Variants in ATXN2 observed in about 807,000 individuals in gnomAD.
The protein encoded by ATXN2 is ataxin-2.
ATXN2 carries 37 observed loss-of-function variants against 138.6 expected under a neutral mutation model. That is an observed-to-expected ratio of 0.27 (90% CI 0.21 to 0.35). ATXN2 has a LOEUF of 0.35. Ranked by LOEUF, ATXN2 falls within the 10% of genes least tolerant of loss-of-function variation. The pLI is 1.00. For synonymous variants in ATXN2, 549 were observed against 543.7 expected (o/e 1.01, Z -0.13); for missense variants, 1,216 against 1,480.3 (o/e 0.82, Z 2.93).
At chr12:111,458,951 T>C (rs1184517141) in intron 21 of ATXN2, among the ~76,000 whole-genome samples, 1 of 152,176 alleles carries the variant, frequency 6.6e-6, no homozygotes, top group African/African-American at 2.4e-5. Flanking sequence ...TGCAAAGCTA[T>C]CTCTTAGCAG....
At chr12:111,564,822 G>A (rs1209423834) in intron 1 of ATXN2, 1 of 152,104 alleles carries the variant, frequency 6.6e-6, no homozygotes, top group Non-Finnish European at 1.5e-5. Context: ...CTTCTGCATG[G>A]GGGCATTTCT....
intron 1 of ATXN2, among the ~76,000 whole-genome samples, chr12:111,560,846 G>C (rs1365192824): frequency 6.6e-6 from 1 of 151,862 alleles, no homozygotes. Flanking sequence ...TGTATAACCA[G>C]ATGTCTGACT....
At chr12:111,589,352 G>A (rs1480796814) in intron 1 of ATXN2, among the ~76,000 whole-genome samples, 1 of 150,634 alleles carries the variant, frequency 6.6e-6, no homozygotes, top group Admixed American at 6.6e-5. Flanking sequence ...TAAAAAACCA[G>A]CCAGGCATAG....
chr12:111,477,413 G>C (rs1012222300), intron 18 of ATXN2, among the ~76,000 whole-genome samples: 1 of 151,948 alleles, frequency 6.6e-6, no homozygotes, highest in African/African-American at 2.4e-5. Flanking sequence ...CAGAGAAACC[G>C]AGTAAATATT....
Position 111,494,823 on chromosome 12 carries a change from AG to A in ATXN2, c.1936-6044del, listed in dbSNP as rs1403385245. Among the ~76,000 whole-genome samples, 8 of 152,264 alleles carry A rather than the reference AG, an allele frequency of 5.3e-5. No homozygotes were observed. In the South Asian group the frequency reaches 1.7e-3, roughly 32 times the overall value. ...ACCAGAGAAAATCACTTTCAAAACA[AG>A]GAAGGGAGGGAGGGAAAAAAGGAGC... On this transcript the variant is annotated intron_variant, in intron 14 of 24. Transcript: ENST00000673436.
chr12:111,566,639 T>C (rs977446267), intron 1 of ATXN2, among the ~76,000 whole-genome samples: 1 of 133,934 alleles, frequency 7.5e-6, no homozygotes, highest in African/African-American at 2.9e-5. Context: ...ATTGCTTTTC[T>C]TTTTTTTTTT....
At chr12:111,497,626 T>C (rs904810565) in intron 14 of ATXN2, among the ~76,000 whole-genome samples, 1 of 150,770 alleles carries the variant, frequency 6.6e-6, no homozygotes, top group Non-Finnish European at 1.5e-5. Context: ...GACTAAAAAA[T>C]ATATATATAT....
At chr12:111,533,983 T>C (rs557867964) in intron 5 of ATXN2, among the ~76,000 whole-genome samples, 1 of 152,092 alleles carries the variant, frequency 6.6e-6, no homozygotes, top group African/African-American at 2.4e-5. Context: ...TTAATCATTG[T>C]CTATGGTATC....
chr12:111,555,988 T>G, intron 1 of ATXN2, 69 bp from the exon 2 acceptor site: 1 of 1,226,216 alleles, frequency 8.2e-7, no homozygotes, highest in Non-Finnish European at 1.1e-6. Flanking sequence ...TTTCCAAACT[T>G]AAAATATAAT....
chr12:111,481,145 A>T (rs1032186623), intron 18 of ATXN2, among the ~76,000 whole-genome samples: 1 of 152,146 alleles, frequency 6.6e-6, no homozygotes, highest in African/African-American at 2.4e-5. Flanking sequence ...TTCCATCTCT[A>T]CTAAAAATAC....
intron 1 of ATXN2, among the ~76,000 whole-genome samples, chr12:111,584,495 A>G (rs2135836899): frequency 6.6e-6 from 1 of 151,332 alleles, no homozygotes; most frequent in African/African-American, 2.4e-5. Flanking sequence ...TACATTTTGA[A>G]TTACAATGCG....
intron 22 of ATXN2, 61 bp downstream of exon 22, chr12:111,457,153 G>A: frequency 1.3e-6 from 2 of 1,553,468 alleles, no homozygotes; most frequent in Non-Finnish European, 1.7e-6. Flanking sequence ...GGCACCTGAA[G>A]AAAGCACTCA....
chr12:111,575,132 C>T (rs1313742344), intron 1 of ATXN2, among the ~76,000 whole-genome samples: 1 of 152,156 alleles, frequency 6.6e-6, no homozygotes, highest in African/African-American at 2.4e-5. Flanking sequence ...GGTCAGAAAG[C>T]TTCTCAAACA....
intron 20 of ATXN2, chr12:111,469,882 T>G: frequency 2.0e-6 from 1 of 502,954 alleles, no homozygotes; most frequent in South Asian, 4.3e-5. Flanking sequence ...CATCATTACA[T>G]TTTAGTTAAA....
intron 21 of ATXN2, chr12:111,461,418 C>G (rs542058118): frequency 6.6e-6 from 1 of 151,622 alleles, no homozygotes; most frequent in Non-Finnish European, 1.5e-5. Context: ...TGCAGTGAAC[C>G]GACATCACAC....
intron 24 of ATXN2, 131 bp from the exon 25 acceptor site, chr12:111,452,971 C>G: frequency 3.0e-6 from 4 of 1,330,892 alleles, no homozygotes; most frequent in Non-Finnish European, 3.9e-6. Flanking sequence ...ATTCGCTTTT[C>G]CCCCTCCCAT....
chr12:111,537,737 T>C (rs1881273000), intron 5 of ATXN2, among the ~76,000 whole-genome samples: 1 of 151,968 alleles, frequency 6.6e-6, no homozygotes, highest in African/African-American at 2.4e-5. Context: ...GGGTTCAGAG[T>C]TTCTTTTCAG....
At chr12:111,599,561 T>C, upstream of ATXN2, 1 of 1,158,638 alleles carries the variant, frequency 8.6e-7, no homozygotes, top group Non-Finnish European at 1.1e-6. Flanking sequence ...GAGGTGCGGA[T>C]AGGGACTCTT....
At chr12:111,565,770 T>C (rs1004066687) in intron 1 of ATXN2, among the ~76,000 whole-genome samples, 15 of 152,158 alleles carry the variant, frequency 9.9e-5, no homozygotes, top group Admixed American at 9.8e-4. Flanking sequence ...CCAAGGCAGG[T>C]GGATCACTTG....
Sources: allele counts gnomAD v4.1 joint callset (sites outside exome capture counted in the v4.1 genomes callset), GRCh38; gene constraint gnomAD v4.1.1; transcripts MANE v1.5; gene names NCBI Gene and HGNC (gene_info 2026-07-23, HGNC 2026-07-21).